Variants in ZNF732 observed in about 807,000 individuals in gnomAD.
The protein encoded by ZNF732 is zinc finger protein LOC654254.
ZNF732 carries 12 observed loss-of-function variants against 11.5 expected under a neutral mutation model. The ratio of observed to expected loss-of-function variants is 1.05; its 90% CI spans 0.67 to 1.70. The LOEUF (loss-of-function observed/expected upper bound fraction) is 1.70. Ranked by LOEUF, ZNF732 falls within the 40% of genes most tolerant of loss-of-function variation. ZNF732 has a pLI of 0.00. For missense variants in ZNF732, 702 were observed against 676.9 expected, an observed-to-expected ratio of 1.04 and a Z score of -0.41; for synonymous variants, 231 against 236.5, an observed-to-expected ratio of 0.98 and a Z score of 0.21.
chr4:279,819 AT>A (rs1581535314), intron 3 of ZNF732, among the ~76,000 whole-genome samples: 1 of 152,176 alleles, frequency 6.6e-6, no homozygotes, highest in South Asian at 2.1e-4. Context: ...ATAGGTGGTA[AT>A]TTTTTACTGT....
chr4:303,659 A>G (rs193031367), intron 1 of ZNF732, among the ~76,000 whole-genome samples: 91 of 152,316 alleles, frequency 6.0e-4, no homozygotes, highest in Admixed American at 2.0e-3. Context: ...ATGCTTTAAG[A>G]AAAGGGAGAA....
In ZNF732 at chr4:305,379, C is replaced by A; in HGVS notation, c.-69G>T. ...CCAATACCCGCAGGTCACAGAGCGA[C>A]GGAGGCTGAGGCTGTGACCGAATCA... On this transcript the variant is annotated 5_prime_UTR_variant, in exon 1 of 4. Transcript: ENST00000419098. The A allele has an allele frequency of 6.3e-7, 1 of 1,599,256 alleles. No homozygotes were observed.
chr4:282,001 A>G (rs544738298), intron 3 of ZNF732, among the ~76,000 whole-genome samples: 1 of 152,372 alleles, frequency 6.6e-6, no homozygotes, highest in East Asian at 1.9e-4. Context: ...AAGATAAGCC[A>G]TTAACAAAGA....
rs574532826 is a variant in ZNF732 at position 297,429 on chromosome 4, A to G, written c.4-1274T>C. 4.6e-5 allele frequency among the ~76,000 whole-genome samples: 7 copies of G among 152,242 alleles called. No homozygotes were observed. The South Asian group carries it at 1.5e-3, about 32-fold the overall frequency. The stretch of plus-strand genomic sequence containing the variant: ...CTGGGAGGTGGGCACTAAGTGTCCA[A>G]TACTTCCCAGGATTTAAATACAGGG... On this transcript the variant is annotated intron_variant, in intron 1 of 3. Transcript: ENST00000419098.
intron 3 of ZNF732, among the ~76,000 whole-genome samples, chr4:295,157 A>G (rs1475131041): frequency 6.6e-6 from 1 of 152,202 alleles, no homozygotes; most frequent in Admixed American, 6.5e-5. Context: ...TCCAAATGCA[A>G]TGGAACAGCA....
intron 3 of ZNF732, among the ~76,000 whole-genome samples, chr4:291,210 C>A (rs542548949): frequency 2.6e-5 from 4 of 152,272 alleles, no homozygotes; most frequent in African/African-American, 9.6e-5. Context: ...ATTAAGGTAT[C>A]AGGATACGTA....
intron 3 of ZNF732, among the ~76,000 whole-genome samples, chr4:285,984 C>G (rs1199185026): frequency 6.6e-6 from 1 of 152,238 alleles, no homozygotes; most frequent in Non-Finnish European, 1.5e-5. Flanking sequence ...ACTCCCAACT[C>G]TATGCTTCTT....
At chr4:288,848 T>C (rs1553840994) in intron 3 of ZNF732, among the ~76,000 whole-genome samples, 1 of 152,152 alleles carries the variant, frequency 6.6e-6, no homozygotes, top group Non-Finnish European at 1.5e-5. Context: ...GGTCAGGAGA[T>C]TGAGACCATC....
chr4:298,190 A>C (rs1720000219), intron 1 of ZNF732, among the ~76,000 whole-genome samples: 1 of 152,214 alleles, frequency 6.6e-6, no homozygotes, highest in South Asian at 2.1e-4. Flanking sequence ...CAAAACTCAC[A>C]AAACAATAAA....
chr4:279,600 T>C (rs1553839400), intron 3 of ZNF732, among the ~76,000 whole-genome samples: 1 of 152,212 alleles, frequency 6.6e-6, no homozygotes, highest in Non-Finnish European at 1.5e-5. Flanking sequence ...GTATGAACTT[T>C]ACTTTGATAA....
Position 271,738 on chromosome 4 carries a change from T to C in ZNF732, c.1119A>G (p.Gln373=), listed in dbSNP as rs61792092. The change falls in exon 4 of 4, where the codon CAA becomes CAG. Residue 373 remains glutamine, a synonymous_variant. Transcript: ENST00000419098. ...KCEQCGKAFR[Q]SATLNKHKSI... ...TCTTATGTTTATTAAGGGTTGCGGA[T>C]TGTCTAAAGGCTTTGCCACATTGTT... 1.1e-5 allele frequency: 18 copies of C among 1,608,152 alleles called. No individual in the cohort carries two copies. In the East Asian group the frequency reaches 2.2e-4, roughly 20 times the overall value.
chr4:296,266 C>A, intron 1 of ZNF732, 111 bp from the exon 2 acceptor site: 1 of 1,404,970 alleles, frequency 7.1e-7, no homozygotes, highest in Non-Finnish European at 9.6e-7. Context: ...GATAAAATAA[C>A]TTTCAACACA....
Position 271,859 on chromosome 4 carries a change from G to A in ZNF732, c.998C>T (p.Pro333Leu), listed in dbSNP as rs2108651059. The A allele has an allele frequency of 6.2e-7, 1 of 1,613,652 alleles. No homozygotes were observed. The highest frequency in any genetic ancestry group is 1.7e-5 in the Admixed American group (1 of 59,982). Residue 333 changes from proline (P) to leucine (L), a missense_variant, in exon 4 of 4, where the codon CCC becomes CTC. Pro to Leu is a moderately conservative substitution (Grantham distance 98). Transcript: ENST00000419098. Reference protein sequence around the residue: ...KHNRIHTGEKPYTCEECGKAF... With the variant: ...KHNRIHTGEKLYTCEECGKAF... ...TTTGCCACATTCTTCACATGTGTAG[G>A]GTTTCTCTCCAGTATGAATTCTGTT...
intron 1 of ZNF732, among the ~76,000 whole-genome samples, chr4:298,828 G>T (rs984760546): frequency 2.6e-5 from 4 of 152,206 alleles, no homozygotes; most frequent in African/African-American, 9.6e-5. Flanking sequence ...AGGCATTGTT[G>T]TGACTTTGGC....
In ZNF732 at chr4:271,238, C is replaced by A. The variant is rs1311603994; in HGVS notation, c.1619G>T (p.Arg540Ile). The A allele has an allele frequency of 5.1e-6, 8 of 1,565,546 alleles. No homozygotes were observed. In the Admixed American group the frequency reaches 5.8e-5, roughly 11 times the overall value. ...YRCEECGKAF[R>I]RSRVLNKYKT... The stretch of plus-strand genomic sequence containing the variant: ...ATATTTATTCAGGACTCTGGAACGT[C>A]TAAATGCTTTGCCACACTCTTCACA... The change falls in exon 4 of 4, where the codon AGA (arginine) becomes ATA (isoleucine). Residue 540 changes from arginine (R) to isoleucine (I), a missense_variant. By Grantham distance (97) the Arg-to-Ile change is moderately conservative (BLOSUM62 -3). Coordinates refer to ENST00000419098, the MANE Select transcript of ZNF732 (RefSeq NM_001137608.3).
At position 271,448 on chromosome 4, in the gene ZNF732, C is replaced by A; in HGVS notation, c.1409G>T (p.Gly470Val). The A allele has an allele frequency of 6.2e-7, 1 of 1,605,780 alleles. No individual in the cohort carries two copies. The highest frequency in any genetic ancestry group is 1.3e-5 in the African/African-American group (1 of 74,756). ...YLSKHKKIHT[G>V]EKPYRCEECG... ...CTCTTCACATCTATAAGGTTTCTCTCCAGTATGAATTTTCTTATGTTTACT... is the reference window on the plus strand; with the variant it reads ...CTCTTCACATCTATAAGGTTTCTCTACAGTATGAATTTTCTTATGTTTACT... Residue 470 changes from glycine (G) to valine (V), a missense_variant, in exon 4 of 4, where the codon GGA (glycine) becomes GTA (valine). This residue lies in a region of ZNF732 where 596 missense variants were observed against 557.9 expected (regional missense o/e 1.07). Transcript: ENST00000419098.
intron 3 of ZNF732, among the ~76,000 whole-genome samples, chr4:287,240 G>C (rs533602864): frequency 3.3e-5 from 5 of 151,072 alleles, no homozygotes; most frequent in African/African-American, 1.2e-4. Context: ...TTTTAAAGAC[G>C]GAGTTTTGGT....
intron 1 of ZNF732, among the ~76,000 whole-genome samples, chr4:296,945 G>T (rs898192163): frequency 6.6e-6 from 1 of 152,160 alleles, no homozygotes. Context: ...GCTGGAGATG[G>T]TGTCAATGTC....
intron 3 of ZNF732, among the ~76,000 whole-genome samples, chr4:274,226 A>G (rs1719447222): frequency 2.6e-5 from 4 of 151,744 alleles, no homozygotes; most frequent in African/African-American, 7.2e-5. Context: ...CACAACAACA[A>G]TATGATTACT....
Sources: allele counts gnomAD v4.1 joint callset (sites outside exome capture counted in the v4.1 genomes callset), GRCh38; gene constraint gnomAD v4.1.1; regional missense constraint gnomAD v4.1.1; transcripts MANE v1.5; gene names NCBI Gene and HGNC (gene_info 2026-07-23, HGNC 2026-07-21).